CFAP299: variants seen among roughly 807,000 people sequenced by gnomAD.
The protein encoded by CFAP299 is cilia- and flagella-associated protein 299.
A neutral mutation model predicts 27.0 loss-of-function variants in CFAP299; 21 were observed. The observed-to-expected ratio is 0.78, with a 90% CI of 0.55 to 1.12. The LOEUF (loss-of-function observed/expected upper bound fraction) is 1.12, where lower values mean the gene tolerates loss of function less well. CFAP299 is among the 50% of genes most tolerant of loss of function. The pLI, the probability that CFAP299 is intolerant of heterozygous loss-of-function variation, is 0.00. For synonymous variants in CFAP299, 104 were observed against 98.1 expected, an observed-to-expected ratio of 1.06 and a Z score of -0.36; for missense variants, 310 against 276.6, an observed-to-expected ratio of 1.12 and a Z score of -0.86.
intron 3 of CFAP299, among the ~76,000 whole-genome samples, chr4:80,598,998 C>G (rs1737194984): frequency 6.6e-6 from 1 of 152,130 alleles, no homozygotes. Flanking sequence ...TGCGGCATGC[C>G]TAAATGTCAT....
At chr4:80,891,149 G>A (rs1225518673) in intron 4 of CFAP299, among the ~76,000 whole-genome samples, 1 of 149,198 alleles carries the variant, frequency 6.7e-6, no homozygotes, top group African/African-American at 2.5e-5. Flanking sequence ...CCTATGTCCT[G>A]AATGGTAATG....
At chr4:80,630,737 A>G (rs1000768504) in intron 3 of CFAP299, among the ~76,000 whole-genome samples, 3 of 152,056 alleles carry the variant, frequency 2.0e-5, no homozygotes, top group Non-Finnish European at 4.4e-5. Flanking sequence ...ATATATTGAC[A>G]ATAGAAGCAT....
intron 2 of CFAP299, among the ~76,000 whole-genome samples, chr4:80,479,164 T>G (rs1346435818): frequency 1.3e-5 from 2 of 152,084 alleles, no homozygotes; most frequent in Non-Finnish European, 2.9e-5. Flanking sequence ...TAGTGAATAT[T>G]TACTGCATTG....
At position 80,571,091 on chromosome 4, in the gene CFAP299, G is replaced by A. The variant is rs572781026; in HGVS notation, c.243-12002G>A. The stretch of plus-strand genomic sequence containing the variant: ...TCTAAAATTTGGAGACTGACATAAA[G>A]AAAATGTTGGAGTAAATATCATAAA... On this transcript the variant is annotated intron_variant, in intron 2 of 5. Transcript: ENST00000358105. Among the ~76,000 whole-genome samples, 182 of 152,118 alleles carry A rather than the reference G, an allele frequency of 1.2e-3. 2 individuals carry two copies. Among genetic ancestry groups the A allele is most frequent in the African/African-American group, 4.1e-3 (172 of 41,528 alleles).
intron 1 of CFAP299, among the ~76,000 whole-genome samples, chr4:80,360,883 G>C (rs1430392676): frequency 2.0e-5 from 3 of 152,054 alleles, no homozygotes; most frequent in Non-Finnish European, 4.4e-5. Flanking sequence ...CTTTCTTTGT[G>C]GCCCTTACAT....
At chr4:80,763,897 A>G (rs1725691568) in intron 3 of CFAP299, among the ~76,000 whole-genome samples, 1 of 152,228 alleles carries the variant, frequency 6.6e-6, no homozygotes, top group Non-Finnish European at 1.5e-5. Flanking sequence ...AAAACTAGCT[A>G]GTCATATGCA....
At chr4:80,715,866 G>T (rs535435972) in intron 3 of CFAP299, among the ~76,000 whole-genome samples, 1 of 151,956 alleles carries the variant, frequency 6.6e-6, no homozygotes, top group South Asian at 2.1e-4. Context: ...TAAATGTAGA[G>T]CAGTGTTCAA....
intron 4 of CFAP299, among the ~76,000 whole-genome samples, chr4:80,906,081 T>C (rs928399710): frequency 2.0e-5 from 3 of 152,166 alleles, no homozygotes; most frequent in Non-Finnish European, 4.4e-5. Flanking sequence ...AAAAGCAAGT[T>C]AGTTACTTCC....
chr4:80,961,586 A>C (rs1049385932), intron 5 of CFAP299, among the ~76,000 whole-genome samples: 3 of 151,832 alleles, frequency 2.0e-5, no homozygotes, highest in Non-Finnish European at 4.4e-5. Context: ...CCCTCCAGAG[A>C]GAGGAAAATA....
At chr4:80,525,321 C>T (rs2110179841) in intron 2 of CFAP299, among the ~76,000 whole-genome samples, 1 of 152,102 alleles carries the variant, frequency 6.6e-6, no homozygotes, top group East Asian at 1.9e-4. Flanking sequence ...GAAAATTATT[C>T]CATCATGCAA....
chr4:80,758,472 T>G (rs374830816), intron 3 of CFAP299, among the ~76,000 whole-genome samples: 2 of 152,068 alleles, frequency 1.3e-5, no homozygotes, highest in African/African-American at 2.4e-5. Flanking sequence ...CCATAGGTAG[T>G]TTTGGAAAAG....
chr4:80,953,004 C>T (rs2110238029), intron 5 of CFAP299, among the ~76,000 whole-genome samples: 1 of 152,276 alleles, frequency 6.6e-6, no homozygotes. Context: ...CTCTTGGAAC[C>T]TCGCCCTTCA....
chr4:80,691,538 G>A (rs1181017198), intron 3 of CFAP299, among the ~76,000 whole-genome samples: 6 of 152,028 alleles, frequency 3.9e-5, no homozygotes, highest in African/African-American at 7.2e-5. Context: ...TTGATGGGAC[G>A]TATTTCAAAA....
intron 3 of CFAP299, among the ~76,000 whole-genome samples, chr4:80,779,501 C>A (rs1726750101): frequency 6.6e-6 from 1 of 151,926 alleles, no homozygotes; most frequent in African/African-American, 2.4e-5. Flanking sequence ...GTCTTCTTTT[C>A]CCCTTGCATC....
At chr4:80,825,872 G>A (rs1360550196) in intron 3 of CFAP299, among the ~76,000 whole-genome samples, 1 of 151,810 alleles carries the variant, frequency 6.6e-6, no homozygotes, top group Non-Finnish European at 1.5e-5. Context: ...AAAATGGTTT[G>A]TAACTCCACT....
intron 2 of CFAP299, among the ~76,000 whole-genome samples, chr4:80,575,128 T>C (rs1256157172): frequency 2.0e-5 from 3 of 152,084 alleles, no homozygotes; most frequent in Non-Finnish European, 4.4e-5. Context: ...AATTTCAGCT[T>C]TAATTTTGTT....
Position 80,709,022 on chromosome 4 carries a change from A to G in CFAP299, c.333+125839A>G, listed in dbSNP as rs1004334236. Among the ~76,000 whole-genome samples, 3 of 152,296 alleles carry G rather than the reference A, an allele frequency of 2.0e-5. No individual in the cohort carries two copies. The East Asian group carries it at 5.8e-4, about 29-fold the overall frequency. ...AATAAATATCAGCTGAGTTTTTACT[A>G]TTACAAATACTGTGGCTGTTAACAT... On this transcript the variant is annotated intron_variant, in intron 3 of 5. Transcript: ENST00000358105.
At chr4:80,757,840 C>T (rs1447298355) in intron 3 of CFAP299, among the ~76,000 whole-genome samples, 1 of 152,002 alleles carries the variant, frequency 6.6e-6, no homozygotes, top group Non-Finnish European at 1.5e-5. Context: ...AGACTCTGGA[C>T]CTAGCTGGGT....
chr4:80,805,379 A>G (rs1728810734), intron 3 of CFAP299, among the ~76,000 whole-genome samples: 1 of 152,136 alleles, frequency 6.6e-6, no homozygotes, highest in Admixed American at 6.6e-5. Context: ...ATAAATAGGT[A>G]TTTTTTCCAC....
Sources: gnomAD v4.1 joint callset for allele counts (sites outside exome capture counted in the v4.1 genomes callset) on GRCh38, gnomAD v4.1.1 for gene constraint, MANE v1.5 for transcripts, NCBI Gene and HGNC (gene_info 2026-07-23, HGNC 2026-07-21) for gene names.